Variants in GNPTAB observed in about 807,000 individuals in gnomAD.
The protein encoded by GNPTAB is N-acetylglucosamine-1-phosphate transferase subunits alpha and beta, also known as N-acetylglucosamine-1-phosphotransferase subunits alpha/beta.
GNPTAB carries 92 observed loss-of-function variants against 136.6 expected under a neutral mutation model. That is an observed-to-expected ratio of 0.67 (90% confidence interval 0.57 to 0.80). The LOEUF (loss-of-function observed/expected upper bound fraction) is 0.80. Among genes scored for constraint, GNPTAB ranks in the 30% least tolerant of loss-of-function variants. The probability of loss-of-function intolerance (pLI) is 0.00; values close to 1 mark genes in which losing one functional copy is unlikely to be tolerated. For missense variants in GNPTAB, 1,343 were observed against 1,501.8 expected, an observed-to-expected ratio of 0.89 and a Z score of 1.75; for synonymous variants, 512 against 535.1, an observed-to-expected ratio of 0.96 and a Z score of 0.60.
intron 1 of GNPTAB, among the ~76,000 whole-genome samples, chr12:101,804,541 A>T (rs1160034906): frequency 6.6e-6 from 1 of 152,218 alleles, no homozygotes; most frequent in South Asian, 2.1e-4. Flanking sequence ...GCAAATAGTT[A>T]TTCTACCTAT....
At chr12:101,776,944 ATG>A (rs1953270165) in intron 7 of GNPTAB, among the ~76,000 whole-genome samples, 1 of 152,230 alleles carries the variant, frequency 6.6e-6, no homozygotes, top group Non-Finnish European at 1.5e-5. Flanking sequence ...TTGAAGTCCA[ATG>A]TCTAACAGCC....
Position 101,764,556 on chromosome 12 carries a change from C to T in GNPTAB, c.2361G>A (p.Arg787=). The T allele has an allele frequency of 6.2e-7, 1 of 1,613,372 alleles. No individual in the cohort carries two copies. The highest frequency in any genetic ancestry group is 1.3e-5 in the African/African-American group (1 of 74,992). The part of the protein sequence containing the change: ...NSLGVSERLQ[R]LTFPAVSVKV... ...TTACACTCACTGCAGGAAAAGTCAA[C>T]CTCTGCAATCTTTCAGACACTCCTA... The change falls in exon 13 of 21, where the codon AGG becomes AGA. Residue 787 remains arginine (R), a synonymous_variant. Transcript: ENST00000299314.
intron 16 of GNPTAB, among the ~76,000 whole-genome samples, chr12:101,758,964 G>A (rs1182710810): frequency 6.6e-6 from 1 of 152,156 alleles, no homozygotes. Flanking sequence ...CATTTCTGTT[G>A]TCTTTTGGGG....
intron 1 of GNPTAB, among the ~76,000 whole-genome samples, chr12:101,829,946 A>G (rs1305830087): frequency 1.3e-5 from 2 of 149,956 alleles, no homozygotes; most frequent in African/African-American, 2.5e-5. Flanking sequence ...GCAAATGTAT[A>G]CTGTGGCATT....
chr12:101,775,957 A>C (rs1473045148), intron 7 of GNPTAB, among the ~76,000 whole-genome samples: 2 of 152,112 alleles, frequency 1.3e-5, no homozygotes, highest in African/African-American at 4.8e-5. Flanking sequence ...AGTCTTCAAG[A>C]ACCCAGTGCA....
chr12:101,755,426 G>A (rs1287934875), intron 18 of GNPTAB, among the ~76,000 whole-genome samples: 1 of 152,158 alleles, frequency 6.6e-6, no homozygotes, highest in African/African-American at 2.4e-5. Flanking sequence ...TATGAGCCTT[G>A]AGTGTATCTT....
rs1335658647 is a variant in GNPTAB at position 101,796,778 on chromosome 12, A to T, written c.118-16T>A. ...CCAGAACCACCTAGAACAAAGAAAA[A>T]GAAACGTTTTCTTCGCATCAAAGAC... On this transcript the variant is annotated splice_polypyrimidine_tract_variant and intron_variant, in intron 1 of 20. Coordinates refer to ENST00000299314, the MANE Select transcript of GNPTAB (RefSeq NM_024312.5). The T allele has an allele frequency of 6.5e-7, 1 of 1,550,248 alleles. No individual in the cohort carries two copies. The highest frequency in any genetic ancestry group is 1.7e-5 in the Admixed American group (1 of 57,690).
chr12:101,752,651 T>C (rs1057317011), intron 19 of GNPTAB, among the ~76,000 whole-genome samples: 3 of 152,214 alleles, frequency 2.0e-5, no homozygotes, highest in Non-Finnish European at 4.4e-5. Context: ...CTTTTGCTCA[T>C]TGTTCCCTTC....
chr12:101,778,462 A>G (rs1412539786), intron 7 of GNPTAB: 2 of 152,244 alleles, frequency 1.3e-5, no homozygotes, highest in Non-Finnish European at 2.9e-5. Flanking sequence ...GGCTGAAATG[A>G]AAGTTAATCT....
At chr12:101,755,267 C>T (rs1470921133) in intron 18 of GNPTAB, among the ~76,000 whole-genome samples, 1 of 152,114 alleles carries the variant, frequency 6.6e-6, no homozygotes, top group Non-Finnish European at 1.5e-5. Context: ...ATATAAATCA[C>T]TTGTCTTCCT....
chr12:101,767,193 A>ACT (rs373633118), intron 11 of GNPTAB, among the ~76,000 whole-genome samples: 5 of 151,252 alleles, frequency 3.3e-5, no homozygotes, highest in Non-Finnish European at 5.9e-5. Context: ...GTACATACTT[A>ACT]CTCTCTCTCT....
At chr12:101,770,381 T>G (rs765798399) in intron 9 of GNPTAB, 25 bp downstream of exon 9, 1 of 1,550,644 alleles carries the variant, frequency 6.4e-7, no homozygotes, top group South Asian at 1.1e-5. Flanking sequence ...AATCACAGTC[T>G]TGTAATTTTT....
intron 19 of GNPTAB, 34 bp from the exon 20 acceptor site, chr12:101,749,225 T>C: frequency 4.9e-6 from 6 of 1,219,214 alleles, no homozygotes; most frequent in East Asian, 2.3e-5. Context: ...TATGTACTTC[T>C]GTATATGGTT....
intron 2 of GNPTAB, 85 bp downstream of exon 2, chr12:101,796,592 C>T (rs1869305043): frequency 1.1e-6 from 1 of 875,774 alleles, no homozygotes; most frequent in Admixed American, 1.7e-5. Context: ...CAGAAAGACC[C>T]CTTAAACTGT....
chr12:101,787,843 G>A (rs1868749011), intron 4 of GNPTAB, among the ~76,000 whole-genome samples: 1 of 151,128 alleles, frequency 6.6e-6, no homozygotes, highest in Admixed American at 6.6e-5. Context: ...AACCTGGGAG[G>A]CGGAGGTTGC....
At chr12:101,758,635 T>A (rs1477657802) in intron 16 of GNPTAB, among the ~76,000 whole-genome samples, 1 of 152,362 alleles carries the variant, frequency 6.6e-6, no homozygotes, top group East Asian at 1.9e-4. Flanking sequence ...AAGTGGCACA[T>A]ATCCATATAC....
intron 1 of GNPTAB, among the ~76,000 whole-genome samples, chr12:101,826,050 T>C (rs1357445507): frequency 1.3e-5 from 2 of 152,128 alleles, no homozygotes; most frequent in African/African-American, 2.4e-5. Context: ...ACTAATCAAA[T>C]ACAAAAATGA....
Position 101,770,403 on chromosome 12 carries a change from T to A in GNPTAB, c.1113+3A>T. The stretch of plus-strand genomic sequence containing the variant: ...GTCTTGTAATTTTTAGAAAGTCCTG[T>A]ACCTGGTGTGTTACTATTGTCACTC... On this transcript the variant is annotated splice_donor_region_variant and intron_variant, in intron 9 of 20. Transcript: ENST00000299314. 6.2e-7 allele frequency: 1 copy of A among 1,602,582 alleles called. No individual in the cohort carries two copies. The highest frequency in any genetic ancestry group is 8.6e-7 in the Non-Finnish European group (1 of 1,169,446).
Position 101,790,032 on chromosome 12 carries a change from C to T in GNPTAB, c.229G>A (p.Val77Ile), listed in dbSNP as rs985184620. 6.2e-6 allele frequency: 10 copies of T among 1,614,044 alleles called. No individual in the cohort carries two copies. The highest frequency in any genetic ancestry group is 2.7e-5 in the African/African-American group (2 of 74,926). The stretch of plus-strand genomic sequence containing the variant: ...GTGCCATTCACCCAGGTGTAAACAA[C>T]GTCAATCGGCATGGGCAGACAAAGC... ...NRLCLPMPIDVVYTWVNGTDL... is the reference protein window; with the variant it reads ...NRLCLPMPIDIVYTWVNGTDL... Residue 77 changes from valine to isoleucine, a missense_variant, in exon 3 of 21, where the codon GTT becomes ATT. Transcript: ENST00000299314.
Sources: allele counts gnomAD v4.1 joint callset (sites outside exome capture counted in the v4.1 genomes callset), GRCh38; gene constraint gnomAD v4.1.1; transcripts MANE v1.5; gene names NCBI Gene and HGNC (gene_info 2026-07-23, HGNC 2026-07-21).